The following ZMYND8 variants were observed in gnomAD, a reference collection of about 807,000 sequenced individuals.
ZMYND8 encodes the protein zinc finger MYND-type containing 8.
ZMYND8 carries 37 observed loss-of-function variants against 140.8 expected under a neutral mutation model. The ratio of observed to expected loss-of-function variants is 0.26; its 90% CI spans 0.20 to 0.35. The LOEUF (loss-of-function observed/expected upper bound fraction) is 0.35, where lower values mean the gene tolerates loss of function less well. Among genes scored for constraint, ZMYND8 ranks in the 10% least tolerant of loss-of-function variants. The probability of loss-of-function intolerance (pLI) is 1.00; values close to 1 mark genes in which losing one functional copy is unlikely to be tolerated. For synonymous variants in ZMYND8, 592 were observed against 597.1 expected, an observed-to-expected ratio of 0.99 and a Z score of 0.12; for missense variants, 1,068 against 1,570.0, an observed-to-expected ratio of 0.68 and a Z score of 5.40.
intron 12 of ZMYND8, among the ~76,000 whole-genome samples, chr20:47,256,617 C>A (rs1264878718): frequency 1.3e-5 from 2 of 152,116 alleles, no homozygotes; most frequent in Non-Finnish European, 2.9e-5. Flanking sequence ...AAGACTCCAT[C>A]TCAAAAAAGA....
At chr20:47,295,126 C>G (rs773414343) in intron 4 of ZMYND8, among the ~76,000 whole-genome samples, 11 of 152,234 alleles carry the variant, frequency 7.2e-5, no homozygotes, top group Non-Finnish European at 1.3e-4. Flanking sequence ...GGCGTGGTGG[C>G]TCACGCCTGT....
intron 5 of ZMYND8, among the ~76,000 whole-genome samples, chr20:47,292,202 C>T (rs911045839): frequency 2.3e-4 from 35 of 152,170 alleles, no homozygotes; most frequent in African/African-American, 7.7e-4. Context: ...GATGCTTTAA[C>T]AAAATCAGCA....
chr20:47,292,028 G>C (rs2077296876), intron 5 of ZMYND8, 140 bp from the exon 6 acceptor site: 1 of 615,500 alleles, frequency 1.6e-6, no homozygotes, highest in South Asian at 2.6e-5. Flanking sequence ...GGATGACCGT[G>C]GGGAGCTCCA....
intron 20 of ZMYND8, 104 bp from the exon 21 acceptor site, chr20:47,220,428 G>A (rs2036778061): frequency 2.1e-6 from 2 of 933,454 alleles, no homozygotes; most frequent in African/African-American, 1.6e-5. Context: ...TGCCCCCAAA[G>A]CATCTCAGTG....
chr20:47,260,240 C>G (rs191402783), intron 12 of ZMYND8, among the ~76,000 whole-genome samples: 1 of 152,146 alleles, frequency 6.6e-6, no homozygotes, highest in African/African-American at 2.4e-5. Flanking sequence ...GGAAGTGTTA[C>G]AAAATTGCCC....
At chr20:47,238,443 TGGAAG>T in intron 15 of ZMYND8, 1 of 438,610 alleles carries the variant, frequency 2.3e-6, no homozygotes, top group Non-Finnish European at 4.2e-6. Context: ...CTGGCCACTG[TGGAAG>T]GGAAGAGAAT....
chr20:47,277,130 G>C (rs568457459), intron 10 of ZMYND8, among the ~76,000 whole-genome samples: 14 of 152,330 alleles, frequency 9.2e-5, no homozygotes, highest in Non-Finnish European at 5.9e-5. Flanking sequence ...CCTCTGAAAA[G>C]AGACTTATTC....
chr20:47,220,215 C>T (rs1600913345), intron 21 of ZMYND8, 43 bp downstream of exon 21: 1 of 1,514,836 alleles, frequency 6.6e-7, no homozygotes, highest in African/African-American at 1.4e-5. Context: ...ATCTGCCCAT[C>T]TGAAATGTGA....
At chr20:47,300,934 G>GTA (rs2077992662) in intron 3 of ZMYND8, among the ~76,000 whole-genome samples, 1 of 128,706 alleles carries the variant, frequency 7.8e-6, no homozygotes, top group Admixed American at 8.0e-5. Flanking sequence ...GTGTGTGTGT[G>GTA]TTTTGTTTTG....
Position 47,221,486 on chromosome 20 carries a change from G to T in ZMYND8, c.3257-12C>A. On this transcript the variant is annotated splice_polypyrimidine_tract_variant and intron_variant, in intron 19 of 22. Transcript: ENST00000471951. ...CTGAGGAGCAGTAGCTGGGGACAAA[G>T]GAGAGAGAGAGACGCCACATATACA... 6.2e-7 allele frequency: 1 copy of T among 1,612,716 alleles called. No individual in the cohort carries two copies.
At chr20:47,275,663 C>T (rs900475517) in intron 11 of ZMYND8, among the ~76,000 whole-genome samples, 3 of 152,114 alleles carry the variant, frequency 2.0e-5, no homozygotes, top group East Asian at 1.9e-4. Context: ...AATACAACAG[C>T]GCAATCATAG....
At chr20:47,301,586 A>C (rs921637248) in intron 3 of ZMYND8, among the ~76,000 whole-genome samples, 3 of 151,974 alleles carry the variant, frequency 2.0e-5, no homozygotes, top group Admixed American at 1.3e-4. Context: ...CATTGCACAC[A>C]CCATCTTCAT....
intron 8 of ZMYND8, chr20:47,285,762 T>C: frequency 1.0e-6 from 1 of 984,926 alleles, no homozygotes; most frequent in African/African-American, 1.7e-5. Context: ...TAAATGAATG[T>C]CCATGTGTTG....
intron 11 of ZMYND8, among the ~76,000 whole-genome samples, chr20:47,266,037 G>A (rs1202377000): frequency 5.9e-5 from 9 of 152,152 alleles, no homozygotes; most frequent in African/African-American, 1.4e-4. Context: ...GCTTCATGGA[G>A]TCAGGAAAAG....
chr20:47,305,243 C>CT (rs371029817), intron 3 of ZMYND8, among the ~76,000 whole-genome samples: 4,580 of 145,222 alleles, frequency 0.032, 135 homozygotes, highest in South Asian at 0.11. Flanking sequence ...AGCCCTGCCT[C>CT]TTTTTTTTTT....
chr20:47,297,515 C>T (rs180811749), intron 4 of ZMYND8, among the ~76,000 whole-genome samples: 7 of 152,106 alleles, frequency 4.6e-5, no homozygotes, highest in Admixed American at 4.6e-4. Context: ...TCAACCATCT[C>T]GGCTCAAGTG....
intron 5 of ZMYND8, among the ~76,000 whole-genome samples, chr20:47,293,847 T>C (rs1398893704): frequency 6.6e-6 from 1 of 152,028 alleles, no homozygotes; most frequent in African/African-American, 2.4e-5. Flanking sequence ...TGGTGGGAGG[T>C]GACTGGATTA....
At chr20:47,349,947 G>A (rs544022912) in intron 1 of ZMYND8, 27 of 1,535,068 alleles carry the variant, frequency 1.8e-5, no homozygotes, top group Admixed American at 3.9e-5. Context: ...TATTTGGCTT[G>A]TAACAGCCTA....
In ZMYND8 at chr20:47,249,450, C is replaced by T; in HGVS notation, c.1622-11G>A. The T allele has an allele frequency of 6.2e-7, 1 of 1,613,598 alleles. No individual in the cohort carries two copies. Among genetic ancestry groups the T allele is most frequent in the East Asian group, 2.2e-5 (1 of 44,874 alleles). On this transcript the variant is annotated splice_polypyrimidine_tract_variant and intron_variant, in intron 12 of 22. Transcript: ENST00000471951. ...CAGCTTTGCTTCGATCTGAAAGAAA[C>T]CATCACACCCTCGTAAGATCAGGCA...
Sources: allele counts gnomAD v4.1 joint callset (sites outside exome capture counted in the v4.1 genomes callset), GRCh38; gene constraint gnomAD v4.1.1; transcripts MANE v1.5; gene names NCBI Gene and HGNC (gene_info 2026-07-23, HGNC 2026-07-21).